DMD: variants seen among roughly 807,000 people sequenced by gnomAD.
DMD encodes mutant dystrophin.
DMD carries 63 observed loss-of-function variants against 330.1 expected under a neutral mutation model. That is an observed-to-expected ratio of 0.19 (90% CI 0.16 to 0.24). The LOEUF (loss-of-function observed/expected upper bound fraction) is 0.24. DMD is among the 10% of genes least tolerant of loss of function. The probability of loss-of-function intolerance (pLI) is 1.00; values close to 1 mark genes in which losing one functional copy is unlikely to be tolerated. For missense variants in DMD, 3,344 were observed against 2,684.1 expected (o/e 1.25, Z -5.43); for synonymous variants, 1,223 against 959.8 (o/e 1.27, Z -5.07).
rs142769289 is a variant in DMD, at chrX:32,028,082, A to C, written c.6439-59568T>G. ...AGACTGCTGAATCAATGCAGGTAGA[A>C]GGTGCAGGCTACCCAGGTAAAGAAA... On this transcript the variant is annotated intron_variant, in intron 44 of 78. Coordinates refer to ENST00000357033, the MANE Select transcript of DMD (RefSeq NM_004006.3). 2.0e-3 allele frequency among the ~76,000 whole-genome samples: 227 copies of C among 112,268 alleles called. 3 individuals carry two copies. Among genetic ancestry groups the C allele is most frequent in the African/African-American group, 7.1e-3 (219 of 30,949 alleles).
chrX:31,407,089 A>G (rs1319470152), intron 60 of DMD, among the ~76,000 whole-genome samples: 1 of 112,629 alleles, frequency 8.9e-6, no homozygotes, highest in Non-Finnish European at 1.9e-5. Flanking sequence ...TTTGAATATC[A>G]TAGGCATCAT....
chrX:32,004,574 A>G (rs2095648716), intron 44 of DMD, among the ~76,000 whole-genome samples: 1 of 111,603 alleles, frequency 9.0e-6, no homozygotes, highest in African/African-American at 3.3e-5. Context: ...ACTTGAAATA[A>G]TAGGACCTTA....
chrX:33,282,151 T>C (rs773808596), intron 1 of DMD, among the ~76,000 whole-genome samples: 1 of 110,926 alleles, frequency 9.0e-6, no homozygotes, highest in East Asian at 2.9e-4. Flanking sequence ...AGAGAAGTCC[T>C]AGGTCCATAT....
intron 44 of DMD, among the ~76,000 whole-genome samples, chrX:32,164,595 A>G (rs1173190589): frequency 8.9e-6 from 1 of 111,914 alleles, no homozygotes; most frequent in African/African-American, 3.3e-5. Flanking sequence ...AAAATTTGCA[A>G]CCTGACAATG....
intron 1 of DMD, among the ~76,000 whole-genome samples, chrX:33,235,289 A>C (rs1048238560): frequency 9.0e-6 from 1 of 111,545 alleles, no homozygotes; most frequent in African/African-American, 3.3e-5. Flanking sequence ...AAAGGCCTCC[A>C]TTTTCAAGCT....
chrX:33,034,238 T>A (rs1348515379), intron 1 of DMD, among the ~76,000 whole-genome samples: 1 of 111,611 alleles, frequency 9.0e-6, no homozygotes, highest in East Asian at 2.8e-4. Context: ...TAAAGTAGAA[T>A]CTCCAGAATT....
chrX:32,137,791 C>G, intron 44 of DMD, among the ~76,000 whole-genome samples: 1 of 110,462 alleles, frequency 9.1e-6, no homozygotes, highest in South Asian at 3.9e-4. Flanking sequence ...GAATTCCTGC[C>G]TCTTGAAAAT....
intron 1 of DMD, among the ~76,000 whole-genome samples, chrX:33,043,485 T>G (rs2094333565): frequency 9.0e-6 from 1 of 110,925 alleles, no homozygotes; most frequent in South Asian, 3.8e-4. Context: ...CAGGTACTTG[T>G]CAGGTTTATA....
chrX:31,189,991 A>G (rs1034954879), intron 67 of DMD, among the ~76,000 whole-genome samples: 16 of 112,609 alleles, frequency 1.4e-4, no homozygotes, highest in African/African-American at 4.5e-4. Context: ...AGGTATGTAC[A>G]GAATGATCTG....
At chrX:32,484,844 T>A in intron 21 of DMD, 75 bp downstream of exon 21, 1 of 1,028,152 alleles carries the variant, frequency 9.7e-7, no homozygotes, top group Non-Finnish European at 1.3e-6. Context: ...TGTTTCATGT[T>A]AGTACCTTCT....
At chrX:31,168,582 G>A (rs16989416) in intron 74 of DMD, among the ~76,000 whole-genome samples, 11,644 of 111,293 alleles carry the variant, frequency 0.1, 1,086 homozygotes, top group African/African-American at 0.29. Context: ...CGTTGCCTAC[G>A]TTAAGAGCTT....
chrX:31,869,404 A>ATTTT (rs34962396), intron 48 of DMD, among the ~76,000 whole-genome samples: 5 of 83,179 alleles, frequency 6.0e-5, no homozygotes, highest in Admixed American at 4.3e-4. Flanking sequence ...AAACGACATG[A>ATTTT]TTTTTTTTTT....
intron 30 of DMD, among the ~76,000 whole-genome samples, chrX:32,395,272 C>T (rs1438033984): frequency 1.8e-5 from 2 of 111,972 alleles, no homozygotes; most frequent in Admixed American, 9.5e-5. Flanking sequence ...GCTTCTACTA[C>T]TCAATTCCAC....
intron 7 of DMD, among the ~76,000 whole-genome samples, chrX:32,734,983 T>G (rs2068243037): frequency 1.8e-5 from 2 of 110,841 alleles, no homozygotes; most frequent in Admixed American, 1.9e-4. Flanking sequence ...TTGACCCTGT[T>G]TGCAGATGAC....
intron 7 of DMD, among the ~76,000 whole-genome samples, chrX:32,759,831 G>A (rs1222299354): frequency 4.6e-5 from 3 of 65,900 alleles, no homozygotes; most frequent in Non-Finnish European, 8.1e-5. Context: ...TAAGGCAGAT[G>A]CAGGTTTTTC....
chrX:31,373,179 G>C (rs1194289360), intron 60 of DMD, among the ~76,000 whole-genome samples: 157 of 98,425 alleles, frequency 1.6e-3, no homozygotes, highest in African/African-American at 4.5e-3. Flanking sequence ...AGGATACAAA[G>C]AAATGGAAGA....
intron 1 of DMD, among the ~76,000 whole-genome samples, chrX:33,089,451 TG>T (rs745728875): frequency 6.1e-4 from 67 of 110,408 alleles, no homozygotes; most frequent in Non-Finnish European, 9.8e-4. Flanking sequence ...CCCAGCTACC[TG>T]GGGGACTGAA....
chrX:32,516,711 C>A (rs1265707827), intron 18 of DMD: 1 of 111,279 alleles, frequency 9.0e-6, no homozygotes, highest in Non-Finnish European at 1.9e-5. Flanking sequence ...TTAATGTTCT[C>A]TAATTAATTT....
chrX:32,320,039 G>C (rs1465660261), intron 41 of DMD, among the ~76,000 whole-genome samples: 1 of 110,745 alleles, frequency 9.0e-6, no homozygotes, highest in East Asian at 2.8e-4. Flanking sequence ...TTAATTCAGT[G>C]TGAAAATAAA....
Sources: gnomAD v4.1 joint callset for allele counts (sites outside exome capture counted in the v4.1 genomes callset) on GRCh38, gnomAD v4.1.1 for gene constraint, MANE v1.5 for transcripts, NCBI Gene and HGNC (gene_info 2026-07-23, HGNC 2026-07-21) for gene names.